The following XPO6 variants were observed in gnomAD, a reference collection of about 807,000 sequenced individuals.
The protein encoded by XPO6 is exportin-6.
XPO6 carries 3 observed loss-of-function variants against 130.0 expected under a neutral mutation model. The ratio of observed to expected loss-of-function variants is 0.02; its 90% CI spans 0.01 to 0.06. XPO6 has a LOEUF of 0.06. Ranked by LOEUF, XPO6 falls within the 10% of genes least tolerant of loss-of-function variation. XPO6 has a pLI of 1.00. For missense variants in XPO6, 970 were observed against 1,393.0 expected (o/e 0.70, Z 4.83); for synonymous variants, 524 against 548.9 (o/e 0.95, Z 0.63).
intron 1 of XPO6, among the ~76,000 whole-genome samples, chr16:28,206,741 T>C (rs1228447919): frequency 2.0e-5 from 3 of 152,126 alleles, no homozygotes; most frequent in Non-Finnish European, 2.9e-5. Context: ...TCTCCAGACT[T>C]TCTCTAATGC....
At chr16:28,155,532 A>C (rs2043170416) in intron 7 of XPO6, 1 of 152,960 alleles carries the variant, frequency 6.5e-6, no homozygotes, top group South Asian at 2.0e-4. Context: ...TGTGTGCTAC[A>C]TTAACCTGTG....
intron 4 of XPO6, among the ~76,000 whole-genome samples, chr16:28,172,636 C>T (rs368314602): frequency 8.5e-5 from 13 of 152,078 alleles, no homozygotes; most frequent in Non-Finnish European, 1.9e-4. Context: ...ACCCACCGCA[C>T]GTAAGGCTGG....
At position 28,211,466 on chromosome 16, in the gene XPO6, G is replaced by A; in HGVS notation, c.-98C>T. The A allele has an allele frequency of 3.2e-6, 4 of 1,266,614 alleles. No homozygotes were observed. 78.5% of individuals were successfully genotyped at this position (1,266,614 alleles called of 1,614,324 possible). On this transcript the variant is annotated 5_prime_UTR_variant, in exon 1 of 24. Transcript: ENST00000304658. ...GTCATGGTCCCGGCAGACTCGGGAA[G>A]TCCCCCACCCATGCAAAGACAACCC...
At chr16:28,152,315 T>C (rs2043108756) in intron 8 of XPO6, among the ~76,000 whole-genome samples, 1 of 152,202 alleles carries the variant, frequency 6.6e-6, no homozygotes, top group Non-Finnish European at 1.5e-5. Context: ...AGAACAGAAC[T>C]AAAGGCCGTA....
chr16:28,101,275 AGGCTGT>A lies in XPO6; in HGVS notation c.3276+177_3276+182del. On this transcript the variant is annotated intron_variant, in intron 23 of 23. Coordinates refer to ENST00000304658, the MANE Select transcript of XPO6 (RefSeq NM_015171.4). This position sits in a 1 kb window ranked among gnomAD's most constrained non-coding sequence, Gnocchi z 5.4. ...GCTACAGACACCAAGACTGGGGAAA[AGGCTGT>A]GCCCCTCAATCAGGCTACAGCACCA... The A allele has an allele frequency of 1.5e-6, 1 of 683,970 alleles. No individual in the cohort carries two copies. The highest frequency in any genetic ancestry group is 2.7e-6 in the Non-Finnish European group (1 of 376,016). 42.4% of individuals were successfully genotyped at this position (683,970 alleles called of 1,614,324 possible).
intron 9 of XPO6, among the ~76,000 whole-genome samples, chr16:28,139,544 T>C (rs374349709): frequency 1.3e-5 from 2 of 152,178 alleles, no homozygotes; most frequent in Non-Finnish European, 1.5e-5. Flanking sequence ...CTATAAAATA[T>C]GAATGATGGG....
intron 10 of XPO6, among the ~76,000 whole-genome samples, chr16:28,134,461 C>T (rs1254499923): frequency 3.3e-5 from 5 of 152,204 alleles, no homozygotes; most frequent in Admixed American, 2.6e-4. Context: ...CGTCACTCCC[C>T]TTTTGGGAGA....
chr16:28,172,525 T>G (rs1432497528), intron 4 of XPO6, among the ~76,000 whole-genome samples: 2 of 152,144 alleles, frequency 1.3e-5, no homozygotes, highest in African/African-American at 4.8e-5. Context: ...CTAGAACCAT[T>G]AGTGTTATGT....
At chr16:28,179,800 A>T (rs1177346915) in intron 2 of XPO6, among the ~76,000 whole-genome samples, 1 of 152,202 alleles carries the variant, frequency 6.6e-6, no homozygotes, top group Non-Finnish European at 1.5e-5. Context: ...GACTAGGTAC[A>T]AAGAGAACTG....
intron 8 of XPO6, among the ~76,000 whole-genome samples, chr16:28,149,071 AAAC>A (rs1470336336): frequency 2.1e-4 from 32 of 150,472 alleles, no homozygotes; most frequent in East Asian, 5.9e-4. Context: ...AAAAAAAAAA[AAAC>A]AAAAGGAAGG....
rs368155053 is a variant in XPO6 at position 28,169,884 on chromosome 16, G to C, written c.431C>G (p.Pro144Arg). ...LQLIQSPVTT[P>R]LGLIMLKTTS... Reference sequence around the variant, plus strand: ...TGTCTTCAACATGATCAGCCCAAGGGGGGTTGTCACAGGGGACTGGATCAA... The same window carrying C: ...TGTCTTCAACATGATCAGCCCAAGGCGGGTTGTCACAGGGGACTGGATCAA... Residue 144 changes from proline (P) to arginine (R), a missense_variant, in exon 5 of 24, where the codon CCC becomes CGC. By Grantham distance (103) the Pro-to-Arg change is moderately radical. Coordinates refer to ENST00000304658, the MANE Select transcript of XPO6 (RefSeq NM_015171.4). The C allele has an allele frequency of 2.5e-6, 4 of 1,614,124 alleles. No homozygotes were observed. Among genetic ancestry groups the C allele is most frequent in the Admixed American group, 3.3e-5 (2 of 60,022 alleles).
intron 9 of XPO6, among the ~76,000 whole-genome samples, chr16:28,145,662 T>C (rs2042970218): frequency 6.6e-6 from 1 of 152,174 alleles, no homozygotes; most frequent in Admixed American, 6.5e-5. Context: ...AAGAACATAA[T>C]GAACCCCAAG....
At chr16:28,191,265 T>C (rs969520906) in intron 1 of XPO6, among the ~76,000 whole-genome samples, 16 of 152,208 alleles carry the variant, frequency 1.1e-4, no homozygotes, top group African/African-American at 3.9e-4. Context: ...CTTATTTATA[T>C]TCCAGTCAGA....
At chr16:28,125,075 G>C (rs149673889) in intron 13 of XPO6, among the ~76,000 whole-genome samples, 2 of 152,202 alleles carry the variant, frequency 1.3e-5, no homozygotes, top group African/African-American at 2.4e-5. Context: ...CTCAACAAGT[G>C]CATCTGTAAA....
intron 8 of XPO6, among the ~76,000 whole-genome samples, chr16:28,151,194 A>AAAAG (rs1409684330): frequency 3.4e-4 from 51 of 151,790 alleles, no homozygotes; most frequent in African/African-American, 1.1e-3. Flanking sequence ...AAAAAAAAAA[A>AAAAG]AAAAGGCTAC....
chr16:28,114,297 A>G (rs71389830), intron 15 of XPO6, among the ~76,000 whole-genome samples: 4 of 152,130 alleles, frequency 2.6e-5, no homozygotes, highest in South Asian at 2.1e-4. Flanking sequence ...AAAAGCAGCT[A>G]TATCTCCAGC....
In XPO6 at chr16:28,175,738, T is replaced by C. The variant is rs190063402; in HGVS notation, c.405+160A>G. ...TTCTCCACCTCACAAAGATACAATA[T>C]GTCTTATAAATATAAAGTGAATGCG... On this transcript the variant is annotated intron_variant, in intron 4 of 23. Coordinates refer to ENST00000304658, the MANE Select transcript of XPO6 (RefSeq NM_015171.4). Among the ~76,000 whole-genome samples, 176 of 152,268 alleles carry C rather than the reference T, an allele frequency of 1.2e-3. 1 individual carries two copies. The highest frequency in any genetic ancestry group is 4.0e-3 in the African/African-American group (168 of 41,556).
Position 28,117,341 on chromosome 16 carries a change from T to C in XPO6, c.1981A>G (p.Ile661Val), listed in dbSNP as rs112823341. ...VTLISTTMDAITPLISTKVQD... is the reference protein window; with the variant it reads ...VTLISTTMDAVTPLISTKVQD... ...ACCTTGGTGCTGATTAGAGGTGTGA[T>C]TGCATCCATGGTAGTAGAGATGAGT... is the stretch of plus-strand genomic sequence containing the variant. Residue 661 changes from isoleucine (I) to valine (V), a missense_variant, in exon 15 of 24, where the codon ATC (isoleucine) becomes GTC (valine). Physicochemically the swap from Ile to Val is conservative, Grantham distance 29 (BLOSUM62 3). Coordinates refer to ENST00000304658, the MANE Select transcript of XPO6 (RefSeq NM_015171.4). The C allele has an allele frequency of 4.4e-5, 71 of 1,614,110 alleles. No individual in the cohort carries two copies. The East Asian group carries it at 7.8e-4, about 18-fold the overall frequency.
intron 8 of XPO6, among the ~76,000 whole-genome samples, chr16:28,149,058 T>TAAAAAAAAAAA (rs71389526): frequency 1.9e-5 from 2 of 107,122 alleles, no homozygotes; most frequent in Admixed American, 1.0e-4. Context: ...AAAAAGAAAA[T>TAAAAAAAAAAA]AAAAAAAAAA....
Sources: gnomAD v4.1 joint callset for allele counts (sites outside exome capture counted in the v4.1 genomes callset) on GRCh38, gnomAD v4.1.1 for gene constraint, Gnocchi (gnomAD v3.1) non-coding constraint, MANE v1.5 for transcripts, NCBI Gene and HGNC (gene_info 2026-07-23, HGNC 2026-07-21) for gene names.